The following MYBL1 variants were observed in gnomAD, a reference collection of about 807,000 sequenced individuals.
MYBL1 encodes the protein MYB proto-oncogene like 1, also known as myb-related protein A.
MYBL1 carries 17 observed loss-of-function variants against 96.3 expected under a neutral mutation model. The ratio of observed to expected loss-of-function variants is 0.18; its 90% CI spans 0.12 to 0.26. The LOEUF (loss-of-function observed/expected upper bound fraction) is 0.26, where lower values mean the gene tolerates loss of function less well. Ranked by LOEUF, MYBL1 falls within the 10% of genes least tolerant of loss-of-function variation. The pLI, the probability that MYBL1 is intolerant of heterozygous loss-of-function variation, is 1.00. For synonymous variants in MYBL1, 282 were observed against 292.7 expected (o/e 0.96, Z 0.37); for missense variants, 701 against 882.9 (o/e 0.79, Z 2.61).
chr8:66,589,324 T>C (rs981629870), intron 8 of MYBL1, among the ~76,000 whole-genome samples: 2 of 152,038 alleles, frequency 1.3e-5, no homozygotes, highest in African/African-American at 2.4e-5. Context: ...GTGGCTTTTT[T>C]TTTTTTGAGA....
At chr8:66,604,450 T>C (rs1372998581) in intron 1 of MYBL1, among the ~76,000 whole-genome samples, 1 of 150,952 alleles carries the variant, frequency 6.6e-6, no homozygotes, top group Non-Finnish European at 1.5e-5. Flanking sequence ...TTGTACCCAG[T>C]GAGCCAAGAC....
chr8:66,588,036 T>A (rs1253556089), intron 8 of MYBL1, among the ~76,000 whole-genome samples: 1 of 152,166 alleles, frequency 6.6e-6, no homozygotes, highest in Non-Finnish European at 1.5e-5. Flanking sequence ...GAAATTAAAG[T>A]AATCTTATTT....
Position 66,566,753 on chromosome 8 carries a change from T to A in MYBL1, c.1881A>T (p.Leu627=). 2 of 1,610,424 alleles carry A rather than the reference T, an allele frequency of 1.2e-6. No individual in the cohort carries two copies. Among genetic ancestry groups the A allele is most frequent in the Non-Finnish European group, 1.7e-6 (2 of 1,177,636 alleles). The change falls in exon 14 of 16, where the codon CTA becomes CTT. Residue 627 remains leucine, a synonymous_variant. Coordinates refer to ENST00000522677, the MANE Select transcript of MYBL1 (RefSeq NM_001080416.4). ...CTTCTTTTTCCCAATTATCTAAGAC[T>A]AGTGATTTTCTGACTTTCTTCCCAG... is the stretch of plus-strand genomic sequence containing the variant. ...TASGKKVRKS[L]VLDNWEKEES... is the part of the protein sequence containing the mutation.
rs1349045356 is a variant in MYBL1, at chr8:66,577,187, T to C, written c.1102-812A>G. 3.3e-5 allele frequency among the ~76,000 whole-genome samples: 5 copies of C among 151,102 alleles called. No homozygotes were observed. The East Asian group carries it at 9.7e-4, about 29-fold the overall frequency. ...TGGCACAAGACAGGGATGCCCTCTCTCACCACTCCTATTCAACATAGTGTT... is the reference window on the plus strand; with the variant it reads ...TGGCACAAGACAGGGATGCCCTCTCCCACCACTCCTATTCAACATAGTGTT... On this transcript the variant is annotated intron_variant, in intron 9 of 15. Transcript: ENST00000522677.
At chr8:66,605,311 C>T (rs1810268824) in intron 1 of MYBL1, among the ~76,000 whole-genome samples, 1 of 152,024 alleles carries the variant, frequency 6.6e-6, no homozygotes, top group African/African-American at 2.4e-5. Flanking sequence ...ATCTAGAAGG[C>T]AAATGAGCAT....
chr8:66,602,347 G>T, intron 2 of MYBL1, 71 bp downstream of exon 2: 2 of 1,056,016 alleles, frequency 1.9e-6, no homozygotes, highest in Non-Finnish European at 2.7e-6. Context: ...CACCACACCT[G>T]GCCGTATAAC....
At chr8:66,565,006 AT>A (rs1808449431) in intron 15 of MYBL1, 181 bp from the exon 16 acceptor site, 1 of 358,586 alleles carries the variant, frequency 2.8e-6, no homozygotes, top group South Asian at 7.7e-5. Context: ...ATACTGAAAT[AT>A]TTTTTATCAA....
intron 8 of MYBL1, among the ~76,000 whole-genome samples, chr8:66,582,718 C>CAA (rs1347460099): frequency 1.6e-4 from 9 of 55,394 alleles, no homozygotes; most frequent in African/African-American, 3.6e-4. Context: ...AACCCTGCCT[C>CAA]AAAAAAAAAA....
At chr8:66,586,829 ACACATAAC>A (rs1809439588) in intron 8 of MYBL1, among the ~76,000 whole-genome samples, 1 of 152,218 alleles carries the variant, frequency 6.6e-6, no homozygotes. Context: ...ACATACATAG[ACACATAAC>A]CACATAATAC....
chr8:66,585,847 A>T (rs572211486), intron 8 of MYBL1, among the ~76,000 whole-genome samples: 1 of 152,220 alleles, frequency 6.6e-6, no homozygotes, highest in East Asian at 1.9e-4. Context: ...AAAATAGACA[A>T]ATGGGATTAT....
chr8:66,568,634 A>G (rs1808607665), intron 12 of MYBL1, among the ~76,000 whole-genome samples: 1 of 152,198 alleles, frequency 6.6e-6, no homozygotes, highest in Admixed American at 6.5e-5. Context: ...GTATTTCACC[A>G]AGAACATAAA....
intron 9 of MYBL1, among the ~76,000 whole-genome samples, chr8:66,578,923 C>A (rs1278951472): frequency 6.6e-6 from 1 of 152,084 alleles, no homozygotes; most frequent in South Asian, 2.1e-4. Context: ...AGTTCATGTC[C>A]TTTGTAGGGA....
chr8:66,603,667 T>A (rs1412724827), intron 1 of MYBL1, among the ~76,000 whole-genome samples: 1 of 151,984 alleles, frequency 6.6e-6, no homozygotes, highest in Non-Finnish European at 1.5e-5. Flanking sequence ...ATTTTTTCTA[T>A]TTTTTGTAGA....
chr8:66,580,450 T>C (rs1314049857), intron 8 of MYBL1, 84 bp from the exon 9 acceptor site: 1 of 887,690 alleles, frequency 1.1e-6, no homozygotes, highest in Non-Finnish European at 1.7e-6. Context: ...TCAATTAGGC[T>C]AAAAACATAG....
intron 4 of MYBL1, among the ~76,000 whole-genome samples, chr8:66,598,005 AGTT>A: frequency 6.6e-6 from 1 of 152,224 alleles, no homozygotes; most frequent in Non-Finnish European, 1.5e-5. Flanking sequence ...CACATTTTAC[AGTT>A]GTTTTTATTT....
At chr8:66,596,190 A>G (rs1809843424) in intron 5 of MYBL1, among the ~76,000 whole-genome samples, 1 of 152,170 alleles carries the variant, frequency 6.6e-6, no homozygotes, top group Non-Finnish European at 1.5e-5. Flanking sequence ...GAACAGAAAG[A>G]AAAAAAGAGC....
At chr8:66,575,475 G>A (rs1256969850) in intron 10 of MYBL1, among the ~76,000 whole-genome samples, 1 of 152,068 alleles carries the variant, frequency 6.6e-6, no homozygotes, top group Non-Finnish European at 1.5e-5. Flanking sequence ...TAAAGAAAAT[G>A]TCCCTCTAAA....
At chr8:66,576,502 G>A in intron 9 of MYBL1, 127 bp from the exon 10 acceptor site, 1 of 1,130,892 alleles carries the variant, frequency 8.8e-7, no homozygotes, top group East Asian at 2.4e-5. Flanking sequence ...GCTTTCCTTG[G>A]ACATTTTTTT....
chr8:66,590,617 AC>A lies in MYBL1; in HGVS notation c.867+1822del, dbSNP rs1228073594. The stretch of plus-strand genomic sequence containing the variant: ...TTAGCTAATCAAAAAAAAAAAAAAA[AC>A]TTTTTGTAGGGCCAAGATTGCACCA... On this transcript the variant is annotated intron_variant, in intron 8 of 15. Transcript: ENST00000522677. 2.0e-5 allele frequency among the ~76,000 whole-genome samples: 3 copies of A among 151,698 alleles called. No homozygotes were observed. In the East Asian group the frequency reaches 5.8e-4, roughly 29 times the overall value.
Sources: allele counts gnomAD v4.1 joint callset (sites outside exome capture counted in the v4.1 genomes callset), GRCh38; gene constraint gnomAD v4.1.1; transcripts MANE v1.5; gene names NCBI Gene and HGNC (gene_info 2026-07-23, HGNC 2026-07-21).